The following BRF1 variants were observed in gnomAD, a reference collection of about 807,000 sequenced individuals.
BRF1 encodes the protein transcription factor IIIB 90 kDa subunit.
Under a neutral mutation model 81.7 loss-of-function variants are expected in BRF1, and 59 were observed. The observed-to-expected ratio is 0.72, with a 90% CI of 0.59 to 0.90. BRF1 has a LOEUF of 0.90. Among genes scored for constraint, BRF1 ranks in the 40% least tolerant of loss-of-function variants. The pLI is 0.00. For missense variants in BRF1, 1,050 were observed against 936.3 expected, an observed-to-expected ratio of 1.12 and a Z score of -1.58; for synonymous variants, 491 against 395.6, an observed-to-expected ratio of 1.24 and a Z score of -2.86.
chr14:105,281,671 G>T (rs1566862399), intron 2 of BRF1, among the ~76,000 whole-genome samples: 1 of 152,132 alleles, frequency 6.6e-6, no homozygotes, highest in Non-Finnish European at 1.5e-5. Context: ...GTGGTGGGAG[G>T]TGCTCAGAGT....
chr14:105,249,219 G>A lies in BRF1; in HGVS notation c.544+3288C>T, dbSNP rs587673895. The A allele has an allele frequency of 3.8e-6, 6 of 1,587,696 alleles. No homozygotes were observed. The African/African-American group carries it at 8.0e-5, about 21-fold the overall frequency. Reference sequence around the variant, plus strand: ...GTGCACTTCGTCGTGGGGCCCCCGGGGGCGACCAGGACGGTGCCCGCCCAC... The same window carrying A: ...GTGCACTTCGTCGTGGGGCCCCCGGAGGCGACCAGGACGGTGCCCGCCCAC... On this transcript the variant is annotated intron_variant, in intron 5 of 17. Coordinates refer to ENST00000547530, the MANE Select transcript of BRF1 (RefSeq NM_001519.4).
At chr14:105,229,716 C>G (rs1410274512) in intron 6 of BRF1, among the ~76,000 whole-genome samples, 4 of 104,388 alleles carry the variant, frequency 3.8e-5, no homozygotes, top group African/African-American at 1.1e-4. Context: ...GAGGCCACAC[C>G]ACTGTCCGCG....
chr14:105,304,028 C>T (rs914974993), upstream of BRF1, among the ~76,000 whole-genome samples: 1 of 152,240 alleles, frequency 6.6e-6, no homozygotes. Flanking sequence ...TTCGTGTGCT[C>T]CCTCACCAAA....
At chr14:105,247,412 C>T (rs981462261) in intron 5 of BRF1, 34 of 985,332 alleles carry the variant, frequency 3.5e-5, no homozygotes, top group Non-Finnish European at 3.9e-5. Context: ...CACTCTGGGC[C>T]ATTGCATGGT....
chr14:105,228,922 C>A lies in BRF1; in HGVS notation c.695-9G>T. ...GGCTGCAACCAGGAGCGCTGGAAGG[C>A]AACGAGACGGGCCTCGTCAACCACG... On this transcript the variant is annotated splice_polypyrimidine_tract_variant and intron_variant, in intron 6 of 17. Transcript: ENST00000547530. 6.2e-7 allele frequency: 1 copy of A among 1,613,162 alleles called. No individual in the cohort carries two copies. Among genetic ancestry groups the A allele is most frequent in the Non-Finnish European group, 8.5e-7 (1 of 1,179,896 alleles).
chr14:105,250,331 C>G (rs1405594742), intron 5 of BRF1: 1 of 1,613,534 alleles, frequency 6.2e-7, no homozygotes, highest in East Asian at 2.2e-5. Context: ...TATTGCAGGG[C>G]TGGGCCTGTA....
At chr14:105,258,798 C>CA (rs889606910) in intron 3 of BRF1, among the ~76,000 whole-genome samples, 4 of 146,862 alleles carry the variant, frequency 2.7e-5, no homozygotes, top group African/African-American at 7.6e-5. Context: ...GACTCAGTCT[C>CA]AAAAAAAAGA....
intron 3 of BRF1, among the ~76,000 whole-genome samples, chr14:105,268,677 C>T (rs1002295413): frequency 7.2e-5 from 11 of 152,220 alleles, no homozygotes; most frequent in African/African-American, 2.2e-4. Context: ...ATGGGCTGGA[C>T]GATACGATAG....
upstream of BRF1, among the ~76,000 whole-genome samples, chr14:105,305,263 G>C (rs1044141015): frequency 6.6e-6 from 1 of 152,080 alleles, no homozygotes; most frequent in Non-Finnish European, 1.5e-5. Flanking sequence ...TTAGCCGGTT[G>C]TGGTAGCATG....
intron 1 of BRF1, among the ~76,000 whole-genome samples, chr14:105,289,365 G>C (rs2057431918): frequency 6.6e-6 from 1 of 152,196 alleles, no homozygotes; most frequent in Non-Finnish European, 1.5e-5. Context: ...CTAAACAGAA[G>C]CTGGAGCAGG....
At chr14:105,286,611 T>TC (rs1472600530) in intron 1 of BRF1, among the ~76,000 whole-genome samples, 1 of 151,770 alleles carries the variant, frequency 6.6e-6, no homozygotes, top group African/African-American at 2.4e-5. Context: ...TTCCGCATTT[T>TC]CTTTTTTTTT....
At chr14:105,243,285 C>CAA (rs3083977) in intron 5 of BRF1, among the ~76,000 whole-genome samples, 2,065 of 127,686 alleles carry the variant, frequency 0.016, 38 homozygotes, top group South Asian at 0.062. Context: ...TACTAAAATA[C>CAA]AAAAAAAAAA....
At chr14:105,286,853 G>A (rs1417013157) in intron 1 of BRF1, among the ~76,000 whole-genome samples, 4 of 152,188 alleles carry the variant, frequency 2.6e-5, no homozygotes, top group East Asian at 1.9e-4. Flanking sequence ...AATGGCTGCC[G>A]GGCGAGAACA....
At position 105,285,820 on chromosome 14, in the gene BRF1, C is replaced by T. The variant is rs587758576; in HGVS notation, c.265+476G>A. ...CCTAAAACACATAAAATCACACATCCGATAAACGACTTGCACCTAAAATAT... is the reference window on the plus strand; with the variant it reads ...CCTAAAACACATAAAATCACACATCTGATAAACGACTTGCACCTAAAATAT... On this transcript the variant is annotated intron_variant, in intron 2 of 17. Coordinates refer to ENST00000547530, the MANE Select transcript of BRF1 (RefSeq NM_001519.4). Among the ~76,000 whole-genome samples the T allele has an allele frequency of 9.9e-5, 15 of 152,086 alleles. No homozygotes were observed. The South Asian group carries it at 2.1e-3, about 21-fold the overall frequency.
At chr14:105,248,569 T>TGCGG in intron 5 of BRF1, 1 of 542,156 alleles carries the variant, frequency 1.8e-6, no homozygotes. Flanking sequence ...GGGTACGGGC[T>TGCGG]CGGGCGGGCG....
upstream of BRF1, among the ~76,000 whole-genome samples, chr14:105,304,297 C>G (rs1469585332): frequency 2.0e-5 from 3 of 152,084 alleles, no homozygotes. Context: ...CAAGACCGTC[C>G]TGGCCAACAT....
chr14:105,215,983 C>CACAG (rs34079998), intron 15 of BRF1, among the ~76,000 whole-genome samples: 44,138 of 130,536 alleles, frequency 0.34, 10,489 homozygotes, highest in African/African-American at 0.64. Context: ...ACACTGCATA[C>CACAG]ACAGGCGCAC....
chr14:105,229,028 GTGTC>G (rs1194970404), intron 6 of BRF1, 115 bp from the exon 7 acceptor site: 1 of 929,278 alleles, frequency 1.1e-6, no homozygotes, highest in Non-Finnish European at 1.7e-6. Flanking sequence ...CTGAGAAGAC[GTGTC>G]TGTGCCAGGC....
intron 1 of BRF1, among the ~76,000 whole-genome samples, chr14:105,299,353 T>C (rs1225973565): frequency 2.0e-5 from 3 of 152,018 alleles, no homozygotes; most frequent in Non-Finnish European, 1.5e-5. Flanking sequence ...GGAGTATCAC[T>C]TGAGCCCAGG....
Sources: allele counts gnomAD v4.1 joint callset (sites outside exome capture counted in the v4.1 genomes callset), GRCh38; gene constraint gnomAD v4.1.1; transcripts MANE v1.5; gene names NCBI Gene and HGNC (gene_info 2026-07-23, HGNC 2026-07-21).